ADCY2: variants seen among roughly 807,000 people sequenced by gnomAD.
ADCY2 encodes the protein adenylate cyclase 2, also known as adenylate cyclase type 2.
In ADCY2, 31 loss-of-function variants were observed where a neutral mutation model predicts 125.2. That is an observed-to-expected ratio of 0.25 (90% CI 0.19 to 0.33). ADCY2 has a LOEUF of 0.33. Ranked by LOEUF, ADCY2 falls within the 10% of genes least tolerant of loss-of-function variation. ADCY2 has a pLI of 1.00. For missense variants in ADCY2, 904 were observed against 1,418.2 expected (o/e 0.64, Z 5.82); for synonymous variants, 512 against 548.4 (o/e 0.93, Z 0.93).
At chr5:7,558,719 G>T (rs76370469) in intron 3 of ADCY2, among the ~76,000 whole-genome samples, 2,057 of 152,230 alleles carry the variant, frequency 0.014, 42 homozygotes, top group African/African-American at 0.047. Flanking sequence ...TGCTTCTGTT[G>T]TGATTGCTTT....
chr5:7,727,773 G>A (rs1315365650), intron 14 of ADCY2, among the ~76,000 whole-genome samples: 2 of 152,040 alleles, frequency 1.3e-5, no homozygotes, highest in Admixed American at 6.5e-5. Context: ...AGGTTCAGCC[G>A]ACCTCTCCCC....
At chr5:7,568,609 T>C (rs1434333214) in intron 3 of ADCY2, among the ~76,000 whole-genome samples, 1 of 152,120 alleles carries the variant, frequency 6.6e-6, no homozygotes, top group African/African-American at 2.4e-5. Flanking sequence ...ATAAAGGCAA[T>C]GGTTTCACAC....
chr5:7,706,878 A>G lies in ADCY2; in HGVS notation c.1244A>G (p.His415Arg), dbSNP rs773797958. The G allele has an allele frequency of 1.2e-6, 2 of 1,614,222 alleles. No individual in the cohort carries two copies. The highest frequency in any genetic ancestry group is 2.2e-5 in the South Asian group (2 of 91,082). Residue 415 changes from histidine (H) to arginine (R), a missense_variant, in exon 8 of 25, where the codon CAC becomes CGC. Around this residue, in one of 7 missense-constraint regions of ADCY2, gnomAD observed 7 missense variants for 45.2 expected, o/e 0.15. Transcript: ENST00000338316. ...TCACATGATGTGACCTTGGCCAACCACATGGAAGCTGGAGGGGTCCCTGGG... is the reference window on the plus strand; with the variant it reads ...TCACATGATGTGACCTTGGCCAACCGCATGGAAGCTGGAGGGGTCCCTGGG... ...VWSHDVTLAN[H>R]MEAGGVPGRV... is the part of the protein sequence containing the mutation.
chr5:7,582,145 T>C (rs1465182174), intron 3 of ADCY2, among the ~76,000 whole-genome samples: 1 of 152,038 alleles, frequency 6.6e-6, no homozygotes, highest in East Asian at 1.9e-4. Flanking sequence ...TTAGAGTAGG[T>C]TTCAGGACAG....
chr5:7,799,743 A>G (rs1438508616), intron 20 of ADCY2: 1 of 152,232 alleles, frequency 6.6e-6, no homozygotes, highest in Non-Finnish European at 1.5e-5. Context: ...TTCCAAAACA[A>G]TGCCTGCGCT....
At chr5:7,399,327 GA>G (rs1170968795) in intron 1 of ADCY2, among the ~76,000 whole-genome samples, 5 of 152,154 alleles carry the variant, frequency 3.3e-5, no homozygotes, top group African/African-American at 9.7e-5. Flanking sequence ...AGTACATAGA[GA>G]TTTTTTTGCT....
intron 4 of ADCY2, among the ~76,000 whole-genome samples, chr5:7,643,135 G>A (rs1215077218): frequency 6.6e-6 from 1 of 151,312 alleles, no homozygotes; most frequent in African/African-American, 2.4e-5. Flanking sequence ...AGAAATGTTG[G>A]ATTTTTCTAT....
chr5:7,661,479 G>T (rs938724070), intron 4 of ADCY2, among the ~76,000 whole-genome samples: 38 of 152,108 alleles, frequency 2.5e-4, no homozygotes, highest in African/African-American at 8.9e-4. Context: ...AAATGCAAGT[G>T]GATTAAACTC....
Position 7,810,228 on chromosome 5 carries a change from G to T in ADCY2, c.2883+5536G>T, listed in dbSNP as rs147087778. Among the ~76,000 whole-genome samples the T allele has an allele frequency of 2.5e-3, 387 of 152,292 alleles. 1 individual carries two copies. The highest frequency in any genetic ancestry group is 8.9e-3 in the African/African-American group (370 of 41,566). On this transcript the variant is annotated intron_variant, in intron 22 of 24. Coordinates refer to ENST00000338316, the MANE Select transcript of ADCY2 (RefSeq NM_020546.3). ...CTGAAAATTGATGGGTTATCTACCT[G>T]ATTGGTGGGTTATCTTCCTGATTGA... is the stretch of plus-strand genomic sequence containing the variant.
chr5:7,747,169 C>T (rs1421071149), intron 15 of ADCY2, among the ~76,000 whole-genome samples: 3 of 152,322 alleles, frequency 2.0e-5, no homozygotes, highest in South Asian at 4.1e-4. Context: ...CTCCCTGCTA[C>T]CCCCACATTG....
At chr5:7,519,061 C>G (rs1744351108) in intron 2 of ADCY2, among the ~76,000 whole-genome samples, 1 of 152,182 alleles carries the variant, frequency 6.6e-6, no homozygotes, top group Non-Finnish European at 1.5e-5. Flanking sequence ...CGAAGAGTGC[C>G]TCTTCAGGAC....
chr5:7,449,319 C>CT (rs1741390188), intron 2 of ADCY2, among the ~76,000 whole-genome samples: 1 of 152,152 alleles, frequency 6.6e-6, no homozygotes, highest in Admixed American at 6.5e-5. Context: ...TGTTGTCCCC[C>CT]AAAATAGACT....
chr5:7,566,329 T>TA (rs964364795), intron 3 of ADCY2, among the ~76,000 whole-genome samples: 10 of 151,604 alleles, frequency 6.6e-5, no homozygotes, highest in African/African-American at 2.2e-4. Context: ...CTACAAAAAT[T>TA]AAAAAAAATT....
chr5:7,587,128 C>T (rs1347833168), intron 3 of ADCY2, among the ~76,000 whole-genome samples: 1 of 152,102 alleles, frequency 6.6e-6, no homozygotes, highest in African/African-American at 2.4e-5. Context: ...AAACCCTTTC[C>T]TGCCCAGGCC....
chr5:7,564,257 T>G (rs1357800061), intron 3 of ADCY2, among the ~76,000 whole-genome samples: 1 of 152,206 alleles, frequency 6.6e-6, no homozygotes, highest in Non-Finnish European at 1.5e-5. Context: ...CCATGAAGCA[T>G]GAGGACACAT....
At chr5:7,765,537 G>C (rs1460969) in intron 16 of ADCY2, among the ~76,000 whole-genome samples, 1 of 151,784 alleles carries the variant, frequency 6.6e-6, no homozygotes, top group Admixed American at 6.6e-5. Flanking sequence ...CAGAAATACC[G>C]TATCTCGTAT....
intron 12 of ADCY2, among the ~76,000 whole-genome samples, chr5:7,719,071 T>C (rs1413078170): frequency 6.6e-6 from 1 of 152,232 alleles, no homozygotes; most frequent in Non-Finnish European, 1.5e-5. Context: ...GACACCTATC[T>C]TTTTAAATTA....
At chr5:7,750,688 C>T (rs923652082) in intron 15 of ADCY2, among the ~76,000 whole-genome samples, 4 of 151,476 alleles carry the variant, frequency 2.6e-5, no homozygotes, top group African/African-American at 7.3e-5. Flanking sequence ...TCCATAATTT[C>T]CTGGCCTCTG....
chr5:7,591,272 T>C (rs1736843071), intron 3 of ADCY2, among the ~76,000 whole-genome samples: 1 of 152,326 alleles, frequency 6.6e-6, no homozygotes, highest in East Asian at 1.9e-4. Context: ...GAAACTTGTT[T>C]GTAACTTACT....
Sources: allele counts gnomAD v4.1 joint callset (sites outside exome capture counted in the v4.1 genomes callset), GRCh38; gene constraint gnomAD v4.1.1; regional missense constraint gnomAD v4.1.1; transcripts MANE v1.5; gene names NCBI Gene and HGNC (gene_info 2026-07-23, HGNC 2026-07-21).